Variants in ABCC1 observed in about 807,000 individuals in gnomAD.
The protein encoded by ABCC1 is multidrug resistance-associated protein 1.
A neutral mutation model predicts 172.9 loss-of-function variants in ABCC1; 83 were observed. That is an observed-to-expected ratio of 0.48 (90% CI 0.40 to 0.58). The LOEUF (loss-of-function observed/expected upper bound fraction) is 0.58. ABCC1 is among the 20% of genes least tolerant of loss of function. The probability of loss-of-function intolerance (pLI) is 0.00; values close to 1 mark genes in which losing one functional copy is unlikely to be tolerated. For missense variants in ABCC1, 1,817 were observed against 2,002.7 expected, an observed-to-expected ratio of 0.91 and a Z score of 1.77; for synonymous variants, 937 against 825.2, an observed-to-expected ratio of 1.14 and a Z score of -2.32.
At chr16:16,058,199 A>G (rs1243167047) in intron 12 of ABCC1, among the ~76,000 whole-genome samples, 4 of 152,210 alleles carry the variant, frequency 2.6e-5, no homozygotes, top group Non-Finnish European at 4.4e-5. Flanking sequence ...GAGACCATAC[A>G]GAGATGGACT....
chr16:16,031,737 C>T (rs1014762720), intron 5 of ABCC1, among the ~76,000 whole-genome samples: 6 of 152,096 alleles, frequency 3.9e-5, no homozygotes, highest in African/African-American at 9.7e-5. Context: ...GCCTCGGGGG[C>T]GCCTTCTCTG....
chr16:16,008,003 G>A lies in ABCC1; in HGVS notation c.225+11G>A, dbSNP rs777657723. On this transcript the variant is annotated intron_variant, in intron 2 of 30. Coordinates refer to ENST00000399410, the MANE Select transcript of ABCC1 (RefSeq NM_004996.4). ...AACAAAACCAAAACTGTAAGTCACT[G>A]GGGGGTTTCGTTGTGGGGGGTGGGA... The A allele has an allele frequency of 3.5e-5, 25 of 705,280 alleles. No individual in the cohort carries two copies. The highest frequency in any genetic ancestry group is 5.4e-5 in the Non-Finnish European group (24 of 445,574). 43.7% of individuals were successfully genotyped at this position (705,280 alleles called of 1,614,324 possible).
At position 16,106,860 on chromosome 16, in the gene ABCC1, C is replaced by T. The variant is rs757179251; in HGVS notation, c.2858C>T (p.Ala953Val). 6.2e-6 allele frequency: 10 copies of T among 1,613,934 alleles called. No homozygotes were observed. The highest frequency in any genetic ancestry group is 4.4e-5 in the South Asian group (4 of 91,072). ...ETWKLMEADK[A>V]QTGQVKLSVY... ...TGGAAGCTGATGGAGGCTGACAAGG[C>T]GCAGACAGGGCAGGTGAGATTCGCT... is the stretch of plus-strand genomic sequence containing the variant. The change falls in exon 21 of 31, where the codon GCG becomes GTG. Residue 953 changes from alanine to valine, a missense_variant. Ala to Val is a moderately conservative substitution (Grantham distance 64, BLOSUM62 0). Coordinates refer to ENST00000399410, the MANE Select transcript of ABCC1 (RefSeq NM_004996.4).
chr16:16,105,211 C>T (rs923148903), intron 20 of ABCC1, among the ~76,000 whole-genome samples: 43 of 152,320 alleles, frequency 2.8e-4, no homozygotes, highest in Admixed American at 1.6e-3. Flanking sequence ...AGCCTAAATT[C>T]TAGTGGGAGA....
rs1004630960 is a variant in ABCC1, at chr16:15,958,000, G to A, written c.48+8201G>A. Among the ~76,000 whole-genome samples, 35 of 152,196 alleles carry A rather than the reference G, an allele frequency of 2.3e-4. 1 individual carries two copies. Among genetic ancestry groups the A allele is most frequent in the Admixed American group, 1.4e-3 (22 of 15,268 alleles). ...CAGGCCCACATTTATACATGGTAGC[G>A]GTCCGCTGAGGCTGTCCGTTTCTGA... On this transcript the variant is annotated intron_variant, in intron 1 of 30. Coordinates refer to ENST00000399410, the MANE Select transcript of ABCC1 (RefSeq NM_004996.4).
intron 1 of ABCC1, among the ~76,000 whole-genome samples, chr16:15,979,656 T>A (rs1180912522): frequency 1.3e-5 from 2 of 152,102 alleles, no homozygotes. Context: ...CTTCTTAGAT[T>A]TTATTTTTTA....
At chr16:16,051,231 G>A (rs190310294) in intron 10 of ABCC1, among the ~76,000 whole-genome samples, 25 of 151,402 alleles carry the variant, frequency 1.7e-4, no homozygotes, top group African/African-American at 6.1e-4. Context: ...GTGCAGTGGT[G>A]CGATCATAGC....
At chr16:16,122,206 A>G in intron 24 of ABCC1, 32 bp downstream of exon 24, 25 of 1,611,374 alleles carry the variant, frequency 1.6e-5, no homozygotes, top group Non-Finnish European at 2.0e-5. Context: ...GAGCGGGTGG[A>G]GGAGGCCGCC....
chr16:16,072,509 T>G (rs568419900), intron 14 of ABCC1, among the ~76,000 whole-genome samples: 2 of 149,634 alleles, frequency 1.3e-5, no homozygotes, highest in African/African-American at 4.9e-5. Context: ...AATATTAAAT[T>G]GTTTTATTTG....
In ABCC1 at chr16:16,054,914, A is replaced by C. The variant is rs541581733; in HGVS notation, c.1474-1178A>C. The stretch of plus-strand genomic sequence containing the variant: ...CCACTATTTGGAACCAGTGCTAGCC[A>C]GTACAGAAACATTTCACTATTTTAA... On this transcript the variant is annotated intron_variant, in intron 11 of 30. Transcript: ENST00000399410. 1.1e-4 allele frequency among the ~76,000 whole-genome samples: 17 copies of C among 152,332 alleles called. No individual in the cohort carries two copies. The East Asian group carries it at 2.7e-3, about 24-fold the overall frequency.
At chr16:16,132,519 T>TTTTTTTTTTTG in intron 27 of ABCC1, among the ~76,000 whole-genome samples, 2 of 84,478 alleles carry the variant, frequency 2.4e-5, no homozygotes, top group Non-Finnish European at 5.2e-5. Flanking sequence ...TGTTTTTTTT[T>TTTTTTTTTTTG]TTTTTTTTTT....
chr16:16,049,776 C>T (rs1176759246), intron 10 of ABCC1, among the ~76,000 whole-genome samples: 1 of 152,134 alleles, frequency 6.6e-6, no homozygotes, highest in African/African-American at 2.4e-5. Context: ...CTCTGCCTCC[C>T]AGCTTCAAGC....
rs76782680 is a variant in ABCC1 at position 16,019,417 on chromosome 16, G to C, written c.615+2796G>C. 5.7e-3 allele frequency among the ~76,000 whole-genome samples: 872 copies of C among 152,094 alleles called. 10 individuals carry two copies. The highest frequency in any genetic ancestry group is 0.02 in the African/African-American group (833 of 41,504). On this transcript the variant is annotated intron_variant, in intron 5 of 30. Transcript: ENST00000399410. The stretch of plus-strand genomic sequence containing the variant: ...CCGTGTCTGGCCGAGCCATTCTTTA[G>C]AACTGGGATTTATACAAAACAAGTC...
chr16:15,949,200 C>T (rs551362816), upstream of ABCC1, among the ~76,000 whole-genome samples: 1 of 152,120 alleles, frequency 6.6e-6, no homozygotes, highest in Non-Finnish European at 1.5e-5. Flanking sequence ...CCTTCATGAA[C>T]GTGGAGACTT....
chr16:15,953,742 T>A (rs1385720674), intron 1 of ABCC1, among the ~76,000 whole-genome samples: 4 of 152,138 alleles, frequency 2.6e-5, no homozygotes, highest in African/African-American at 9.7e-5. Context: ...TGTGCACCTC[T>A]GAGATGCTCT....
chr16:16,028,829 T>G (rs1295834293), intron 5 of ABCC1, among the ~76,000 whole-genome samples: 1 of 152,108 alleles, frequency 6.6e-6, no homozygotes, highest in Non-Finnish European at 1.5e-5. Flanking sequence ...TTGCCCAAGG[T>G]CATCAGCTAG....
intron 1 of ABCC1, among the ~76,000 whole-genome samples, chr16:16,001,202 GGTTATTTTTTTTTATTTTTTATGTTTT>G (rs1386849162): frequency 7.9e-5 from 12 of 151,906 alleles, no homozygotes; most frequent in African/African-American, 2.4e-4. Flanking sequence ...TGCAAGGGTT[GGTTATTTTTTTTTATTTTTTATGTTTT>G]GAGATGGAGT....
chr16:15,996,137 A>C lies in ABCC1; in HGVS notation c.49-11679A>C, dbSNP rs147085217. Among the ~76,000 whole-genome samples the C allele has an allele frequency of 7.7e-3, 1,162 of 151,856 alleles. 14 individuals carry two copies. The highest frequency in any genetic ancestry group is 0.025 in the African/African-American group (1,036 of 41,390). On this transcript the variant is annotated intron_variant, in intron 1 of 30. Transcript: ENST00000399410. ...GTAGCTGGGACTACAGGCGCACGCC[A>C]CCATGCCCGGCTAATTTTTGTACAT...
At chr16:16,117,961 G>C (rs183168016) in intron 23 of ABCC1, among the ~76,000 whole-genome samples, 2 of 152,168 alleles carry the variant, frequency 1.3e-5, no homozygotes, top group African/African-American at 4.8e-5. Context: ...GCAGTCAGTC[G>C]TCTCTGCTGC....
Sources: allele counts gnomAD v4.1 joint callset (sites outside exome capture counted in the v4.1 genomes callset), GRCh38; gene constraint gnomAD v4.1.1; transcripts MANE v1.5; gene names NCBI Gene and HGNC (gene_info 2026-07-23, HGNC 2026-07-21).